Variants in RASGRF2 observed in about 807,000 individuals in gnomAD.
RASGRF2 encodes ras-specific guanine nucleotide-releasing factor 2.
RASGRF2 carries 76 observed loss-of-function variants against 151.0 expected under a neutral mutation model. The observed-to-expected ratio is 0.50, with a 90% confidence interval of 0.42 to 0.61. The LOEUF (loss-of-function observed/expected upper bound fraction) is 0.61, where lower values mean the gene tolerates loss of function less well. Among genes scored for constraint, RASGRF2 ranks in the 20% least tolerant of loss-of-function variants. The pLI is 0.00. For missense variants in RASGRF2, 1,148 were observed against 1,564.6 expected (o/e 0.73, Z 4.49); for synonymous variants, 504 against 566.5 (o/e 0.89, Z 1.57).
At chr5:81,162,255 G>A (rs1317751215) in intron 17 of RASGRF2, among the ~76,000 whole-genome samples, 1 of 152,036 alleles carries the variant, frequency 6.6e-6, no homozygotes, top group African/African-American at 2.4e-5. Flanking sequence ...GAGTATTTAA[G>A]TAGAAATTAT....
intron 24 of RASGRF2, chr5:81,216,864 A>G (rs992184901): frequency 1.0e-5 from 4 of 385,974 alleles, no homozygotes; most frequent in Non-Finnish European, 2.1e-5. Flanking sequence ...CTGAGTTGTG[A>G]TGTTAAGTCT....
chr5:81,095,854 T>G (rs1285212088), intron 12 of RASGRF2, among the ~76,000 whole-genome samples: 2 of 152,176 alleles, frequency 1.3e-5, no homozygotes, highest in Non-Finnish European at 2.9e-5. Context: ...GACTGAAAAT[T>G]GAGGTGAAAT....
At position 81,184,277 on chromosome 5, in the gene RASGRF2, G is replaced by A. The variant is rs145172036; in HGVS notation, c.2793+3996G>A. Reference sequence around the variant, plus strand: ...CTCCTGCTGGGAGGCCTTACATATCGTTTACACAATTCCCAGGTCCCTGCA... The same window carrying A: ...CTCCTGCTGGGAGGCCTTACATATCATTTACACAATTCCCAGGTCCCTGCA... On this transcript the variant is annotated intron_variant, in intron 18 of 26. Coordinates refer to ENST00000265080, the MANE Select transcript of RASGRF2 (RefSeq NM_006909.3). Among the ~76,000 whole-genome samples the A allele has an allele frequency of 3.3e-5, 5 of 152,192 alleles. No homozygotes were observed. In the East Asian group the frequency reaches 5.8e-4, roughly 18 times the overall value.
intron 15 of RASGRF2, among the ~76,000 whole-genome samples, chr5:81,114,241 C>T (rs1580328893): frequency 1.3e-5 from 2 of 152,164 alleles, no homozygotes; most frequent in East Asian, 3.9e-4. Flanking sequence ...GGCTGAAGAG[C>T]CTAGCATGGT....
In RASGRF2 at chr5:81,113,774, C is replaced by T. The variant is rs148833634; in HGVS notation, c.2324C>T (p.Ala775Val). The change falls in exon 15 of 27, where the codon GCG becomes GTG. Residue 775 changes from alanine (A) to valine (V), a missense_variant. Coordinates refer to ENST00000265080, the MANE Select transcript of RASGRF2 (RefSeq NM_006909.3). ...SPTTTTQSPA[A>V]SPPPHTGQIP... is the part of the protein sequence containing the mutation. ...ACCACCACCACCCAGAGTCCCGCTG[C>T]GTCTCCACCACCACACACTGGTCAG... 2.2e-4 allele frequency: 355 copies of T among 1,614,158 alleles called. 1 individual carries two copies. In the East Asian group the frequency reaches 4.2e-3, roughly 19 times the overall value.
At chr5:81,212,133 C>T (rs897259736) in intron 22 of RASGRF2, among the ~76,000 whole-genome samples, 4 of 152,200 alleles carry the variant, frequency 2.6e-5, no homozygotes, top group African/African-American at 9.7e-5. Context: ...CTTCCCTCAA[C>T]AAGCGGGAAT....
At chr5:80,996,509 TCCTCCTCCTCCCCC>T (rs1748873995) in intron 1 of RASGRF2, among the ~76,000 whole-genome samples, 1 of 67,784 alleles carries the variant, frequency 1.5e-5, no homozygotes, top group Non-Finnish European at 2.8e-5. Context: ...TTCTTCCTCC[TCCTCCTCCTCCCCC>T]TCCTCCTCCT....
chr5:81,087,597 G>C, intron 9 of RASGRF2: 1 of 559,224 alleles, frequency 1.8e-6, no homozygotes, highest in South Asian at 2.5e-5. Flanking sequence ...CTGTGGAGAA[G>C]CAACAGCCTG....
At chr5:81,077,284 G>A (rs1340465197) in intron 5 of RASGRF2, among the ~76,000 whole-genome samples, 2 of 152,190 alleles carry the variant, frequency 1.3e-5, no homozygotes, top group Non-Finnish European at 2.9e-5. Context: ...AATCAAAGGG[G>A]TGTTGACCGA....
In RASGRF2 at chr5:80,967,111, G is replaced by A. The variant is rs1390035011; in HGVS notation, c.288+6085G>A. ...TCCTTAAAAATAAAATTTGTTGGCC[G>A]GGTGTAGTGGCTCACGCCTATAATC... is the stretch of plus-strand genomic sequence containing the variant. On this transcript the variant is annotated intron_variant, in intron 1 of 26. Coordinates refer to ENST00000265080, the MANE Select transcript of RASGRF2 (RefSeq NM_006909.3). Among the ~76,000 whole-genome samples the A allele has an allele frequency of 3.9e-5, 6 of 152,308 alleles. No homozygotes were observed. In the East Asian group the frequency reaches 9.6e-4, roughly 24 times the overall value.
chr5:81,219,866 A>T (rs1755821677), intron 26 of RASGRF2, 88 bp downstream of exon 26: 2 of 1,043,048 alleles, frequency 1.9e-6, no homozygotes, highest in South Asian at 3.1e-5. Flanking sequence ...GATCCAAAAT[A>T]CCAAAAGCTA....
intron 26 of RASGRF2, chr5:81,223,549 G>A (rs979549582): frequency 6.6e-6 from 1 of 152,270 alleles, no homozygotes; most frequent in Non-Finnish European, 1.5e-5. Context: ...GCTGAGACAG[G>A]AGGATGGCGT....
intron 24 of RASGRF2, 76 bp downstream of exon 24, chr5:81,216,031 GACC>G (rs1755728092): frequency 7.9e-7 from 1 of 1,266,396 alleles, no homozygotes; most frequent in Non-Finnish European, 1.0e-6. Context: ...TACAAACAGT[GACC>G]TACCACCTAC....
chr5:81,225,571 T>C (rs1244262387), intron 26 of RASGRF2, 107 bp from the exon 27 acceptor site: 2 of 1,466,374 alleles, frequency 1.4e-6, no homozygotes, highest in African/African-American at 1.5e-5. Context: ...TCAAATAAGA[T>C]TTTTAGTTGT....
In RASGRF2 at chr5:81,225,513, C is replaced by CT. The variant is rs11341888; in HGVS notation, c.3622-148dup. On this transcript the variant is annotated intron_variant, in intron 26 of 26. Transcript: ENST00000265080. ...TTGAGAGAGGACTAGAGATGTTCACCTTTTTTTTTTTTTTTTTAACAATGG... is the reference window on the plus strand; with the variant it reads ...TTGAGAGAGGACTAGAGATGTTCACCTTTTTTTTTTTTTTTTTTAACAATGG... Among the ~76,000 whole-genome samples the CT allele has an allele frequency of 2.9e-3, 416 of 141,440 alleles. 1 individual carries two copies. The highest frequency in any genetic ancestry group is 9.4e-3 in the East Asian group (45 of 4,786). 92.8% of individuals were successfully genotyped at this position (141,440 alleles called of 152,430 possible).
Position 81,113,893 on chromosome 5 carries a change from A to G in RASGRF2, c.2443A>G (p.Asn815Asp). The change falls in exon 15 of 27, where the codon AAC becomes GAC. Residue 815 changes from asparagine (N) to aspartate (D), a missense_variant. Coordinates refer to ENST00000265080, the MANE Select transcript of RASGRF2 (RefSeq NM_006909.3). ...CGATAACCCACGCGTGGATCTGTGT[A>G]ACAAGCTAAAACGAAGTATTCAAAA... is the stretch of plus-strand genomic sequence containing the variant. ...NVDNPRVDLC[N>D]KLKRSIQKAV... 1 of 1,613,760 alleles carries G rather than the reference A, an allele frequency of 6.2e-7. No homozygotes were observed. The highest frequency in any genetic ancestry group is 8.5e-7 in the Non-Finnish European group (1 of 1,179,802).
intron 5 of RASGRF2, among the ~76,000 whole-genome samples, chr5:81,077,754 A>G (rs1378729068): frequency 6.6e-6 from 1 of 152,208 alleles, no homozygotes; most frequent in Non-Finnish European, 1.5e-5. Context: ...AATGAGAGGA[A>G]CTGGAGAGGG....
At chr5:81,012,542 C>T (rs775507570) in intron 1 of RASGRF2, among the ~76,000 whole-genome samples, 5 of 152,074 alleles carry the variant, frequency 3.3e-5, no homozygotes, top group Admixed American at 1.3e-4. Flanking sequence ...CGTCTGTCGG[C>T]GCCTTCAGAG....
Position 81,023,307 on chromosome 5 carries a change from T to G in RASGRF2, c.289-19570T>G, listed in dbSNP as rs75364223. ...CACAAACAAGGTCATAACTCTGTTT[T>G]AATTATTTCTTTCACTTTGTGATGA... is the stretch of plus-strand genomic sequence containing the variant. On this transcript the variant is annotated intron_variant, in intron 1 of 26. Coordinates refer to ENST00000265080, the MANE Select transcript of RASGRF2 (RefSeq NM_006909.3). Among the ~76,000 whole-genome samples the G allele has an allele frequency of 1.1e-3, 165 of 152,350 alleles. 4 individuals are homozygous for G. In the East Asian group the frequency reaches 0.028, roughly 25 times the overall value.
Sources: gnomAD v4.1 joint callset for allele counts (sites outside exome capture counted in the v4.1 genomes callset) on GRCh38, gnomAD v4.1.1 for gene constraint, MANE v1.5 for transcripts, NCBI Gene and HGNC (gene_info 2026-07-23, HGNC 2026-07-21) for gene names.